Variants in ULK4 observed in about 807,000 individuals in gnomAD.
The protein encoded by ULK4 is inactive serine/threonine-protein kinase ULK4.
A neutral mutation model predicts 160.6 loss-of-function variants in ULK4; 133 were observed. The observed-to-expected ratio is 0.83, with a 90% confidence interval of 0.72 to 0.96. The LOEUF (loss-of-function observed/expected upper bound fraction) is 0.96. Ranked by LOEUF, ULK4 falls within the 40% of genes least tolerant of loss-of-function variation. ULK4 has a pLI of 0.00. For synonymous variants in ULK4, 534 were observed against 539.8 expected, an observed-to-expected ratio of 0.99 and a Z score of 0.15; for missense variants, 1,580 against 1,499.5, an observed-to-expected ratio of 1.05 and a Z score of -0.89.
intron 3 of ULK4, chr3:41,937,450 T>C (rs1259135916): frequency 1.0e-5 from 6 of 592,240 alleles, no homozygotes; most frequent in African/African-American, 9.2e-5. Context: ...CTAGTAATAA[T>C]TATATCAATA....
At chr3:41,915,814 A>C (rs556137256) in intron 8 of ULK4, among the ~76,000 whole-genome samples, 163 bp downstream of exon 8, 1 of 152,338 alleles carries the variant, frequency 6.6e-6, no homozygotes, top group East Asian at 1.9e-4. Flanking sequence ...TTCTTTAAAA[A>C]ATAATAATTT....
At chr3:41,513,261 C>T (rs796778393) in intron 32 of ULK4, among the ~76,000 whole-genome samples, 2 of 152,288 alleles carry the variant, frequency 1.3e-5, no homozygotes, top group African/African-American at 4.8e-5. Flanking sequence ...TAACCAACAA[C>T]CCAAAAGCAA....
chr3:41,898,255 C>G (rs189164636), intron 14 of ULK4, among the ~76,000 whole-genome samples, 177 bp downstream of exon 14: 1 of 152,324 alleles, frequency 6.6e-6, no homozygotes, highest in Admixed American at 6.5e-5. Context: ...ATGTCAACAG[C>G]TGGCACAAAT....
chr3:41,890,768 CG>C (rs1697910095), intron 16 of ULK4, among the ~76,000 whole-genome samples: 3 of 9,134 alleles, frequency 3.3e-4, no homozygotes, highest in East Asian at 2.5e-3. Flanking sequence ...ACGGGAGGGA[CG>C]GGAGGGACAG....
At chr3:41,935,116 A>G (rs1699720528) in intron 4 of ULK4, among the ~76,000 whole-genome samples, 1 of 147,852 alleles carries the variant, frequency 6.8e-6, no homozygotes, top group Non-Finnish European at 1.5e-5. Context: ...CCCGGATTCA[A>G]GCAATTCTCC....
At chr3:41,694,603 C>A (rs1292053653) in intron 27 of ULK4, among the ~76,000 whole-genome samples, 1 of 152,006 alleles carries the variant, frequency 6.6e-6, no homozygotes, top group Non-Finnish European at 1.5e-5. Flanking sequence ...AATCCCTTTC[C>A]CTATACCAAA....
intron 34 of ULK4, among the ~76,000 whole-genome samples, chr3:41,423,581 G>A (rs1218169824): frequency 6.6e-6 from 1 of 152,076 alleles, no homozygotes; most frequent in East Asian, 1.9e-4. Context: ...TCTTACAGAG[G>A]AGGGGCCAAG....
chr3:41,805,652 C>T (rs368728320), intron 19 of ULK4, among the ~76,000 whole-genome samples: 79 of 150,904 alleles, frequency 5.2e-4, no homozygotes, highest in Middle Eastern at 3.4e-3. Flanking sequence ...TTTTGAGATA[C>T]GTCCCATCAA....
chr3:41,567,251 C>G (rs2087812264), intron 31 of ULK4, among the ~76,000 whole-genome samples: 1 of 151,916 alleles, frequency 6.6e-6, no homozygotes, highest in South Asian at 2.1e-4. Context: ...AGTCCCCTAT[C>G]CTCACATAAA....
chr3:41,411,842 C>G (rs1214317043), intron 34 of ULK4, among the ~76,000 whole-genome samples: 1 of 152,000 alleles, frequency 6.6e-6, no homozygotes, highest in Non-Finnish European at 1.5e-5. Flanking sequence ...CATTCCTCAA[C>G]CTGATAAAGG....
rs114610624 is a variant in ULK4, at chr3:41,566,526, G to A, written c.3121-396C>T. Among the ~76,000 whole-genome samples, 405 of 152,276 alleles carry A rather than the reference G, an allele frequency of 2.7e-3. 1 individual carries two copies. The highest frequency in any genetic ancestry group is 8.8e-3 in the African/African-American group (365 of 41,550). ...TTTATGCAGTTTCAATATTATGCTG[G>A]TACTGATATTTTTCCCACTTTAGTA... On this transcript the variant is annotated intron_variant, in intron 31 of 36. Transcript: ENST00000301831.
At chr3:41,440,341 A>T (rs962870617) in intron 34 of ULK4, among the ~76,000 whole-genome samples, 3 of 152,284 alleles carry the variant, frequency 2.0e-5, no homozygotes, top group Admixed American at 2.0e-4. Context: ...GATTTTTCAG[A>T]GATGTGCTTT....
At chr3:41,724,050 T>C (rs1337415680) in intron 22 of ULK4, among the ~76,000 whole-genome samples, 1 of 152,262 alleles carries the variant, frequency 6.6e-6, no homozygotes, top group Non-Finnish European at 1.5e-5. Flanking sequence ...AAATAGGCTG[T>C]CATTCCCTCA....
chr3:41,587,076 T>G, intron 31 of ULK4, among the ~76,000 whole-genome samples: 1 of 152,186 alleles, frequency 6.6e-6, no homozygotes, highest in East Asian at 1.9e-4. Context: ...AGAGGCTCCA[T>G]GGAAGAATCC....
intron 30 of ULK4, among the ~76,000 whole-genome samples, chr3:41,652,933 A>T (rs756583837): frequency 6.6e-6 from 1 of 152,212 alleles, no homozygotes; most frequent in African/African-American, 2.4e-5. Flanking sequence ...TAGGACACAC[A>T]AATTACTGCT....
intron 35 of ULK4, among the ~76,000 whole-genome samples, chr3:41,264,487 A>C (rs995541375): frequency 6.6e-6 from 1 of 152,238 alleles, no homozygotes; most frequent in Non-Finnish European, 1.5e-5. Flanking sequence ...ATGCCACATA[A>C]GCCACGCATT....
At chr3:41,871,014 A>G (rs1409878129) in intron 17 of ULK4, among the ~76,000 whole-genome samples, 1 of 151,896 alleles carries the variant, frequency 6.6e-6, no homozygotes, top group African/African-American at 2.4e-5. Flanking sequence ...TTCACTCAGC[A>G]CTCATTCTCT....
intron 18 of ULK4, among the ~76,000 whole-genome samples, chr3:41,825,339 A>C (rs554960190): frequency 2.8e-4 from 43 of 152,352 alleles, no homozygotes; most frequent in African/African-American, 1.0e-3. Flanking sequence ...TGAGAGAAGA[A>C]GGCTTCAGAT....
chr3:41,396,373 T>C (rs370153422), intron 35 of ULK4, among the ~76,000 whole-genome samples: 4 of 152,202 alleles, frequency 2.6e-5, no homozygotes, highest in African/African-American at 7.2e-5. Flanking sequence ...AAAGAGACTG[T>C]AGATCCCTAC....
Sources: gnomAD v4.1 joint callset for allele counts (sites outside exome capture counted in the v4.1 genomes callset) on GRCh38, gnomAD v4.1.1 for gene constraint, MANE v1.5 for transcripts, NCBI Gene and HGNC (gene_info 2026-07-23, HGNC 2026-07-21) for gene names.